The following PARD3 variants were observed in gnomAD, a reference collection of about 807,000 sequenced individuals.
PARD3 encodes par-3 family cell polarity regulator.
PARD3 carries 75 observed loss-of-function variants against 155.4 expected under a neutral mutation model. That is an observed-to-expected ratio of 0.48 (90% CI 0.40 to 0.58). The LOEUF is 0.58. Ranked by LOEUF, PARD3 falls within the 20% of genes least tolerant of loss-of-function variation. The probability of loss-of-function intolerance (pLI) is 0.00; values close to 1 mark genes in which losing one functional copy is unlikely to be tolerated. For synonymous variants in PARD3, 576 were observed against 610.5 expected, an observed-to-expected ratio of 0.94 and a Z score of 0.83; for missense variants, 1,642 against 1,721.7, an observed-to-expected ratio of 0.95 and a Z score of 0.82.
intron 5 of PARD3, among the ~76,000 whole-genome samples, chr10:34,404,694 G>C (rs370629298): frequency 6.6e-6 from 1 of 151,938 alleles, no homozygotes; most frequent in East Asian, 1.9e-4. Context: ...ACCTGGGCGT[G>C]AATAGCAATT....
chr10:34,156,326 G>A (rs1949003367), intron 22 of PARD3, among the ~76,000 whole-genome samples: 1 of 151,986 alleles, frequency 6.6e-6, no homozygotes, highest in African/African-American at 2.4e-5. Flanking sequence ...CAGACTCCAG[G>A]GCTCCAGTGA....
At chr10:34,207,229 CT>C (rs1478478561) in intron 22 of PARD3, among the ~76,000 whole-genome samples, 1 of 152,180 alleles carries the variant, frequency 6.6e-6, no homozygotes, top group Non-Finnish European at 1.5e-5. Context: ...ATTCAGTATT[CT>C]GATTAGCTCC....
intron 5 of PARD3, among the ~76,000 whole-genome samples, chr10:34,434,564 G>A (rs2076098162): frequency 6.6e-6 from 1 of 152,186 alleles, no homozygotes; most frequent in Non-Finnish European, 1.5e-5. Context: ...GCCCCAGAGT[G>A]TGTCAAGCAG....
intron 2 of PARD3, among the ~76,000 whole-genome samples, chr10:34,592,731 C>T (rs1477967161): frequency 6.6e-6 from 1 of 152,166 alleles, no homozygotes; most frequent in Non-Finnish European, 1.5e-5. Context: ...GTGGAGATCA[C>T]ACCACTGCAT....
At chr10:34,337,247 G>C in intron 17 of PARD3, 28 bp downstream of exon 17, 1 of 1,429,180 alleles carries the variant, frequency 7.0e-7, no homozygotes, top group Middle Eastern at 1.8e-4. Flanking sequence ...AACTTATTTA[G>C]ATAAAGATTC....
At chr10:34,631,753 A>G (rs1413897650) in intron 2 of PARD3, among the ~76,000 whole-genome samples, 3 of 152,124 alleles carry the variant, frequency 2.0e-5, no homozygotes, top group Non-Finnish European at 2.9e-5. Flanking sequence ...ACATGCCACT[A>G]TATCTGGTTA....
At chr10:34,769,128 C>T (rs1454986337) in intron 1 of PARD3, among the ~76,000 whole-genome samples, 1 of 152,214 alleles carries the variant, frequency 6.6e-6, no homozygotes, top group Non-Finnish European at 1.5e-5. Context: ...AACAAGGTGG[C>T]CCCTTCTGCC....
chr10:34,426,968 T>C (rs1431850927), intron 5 of PARD3, among the ~76,000 whole-genome samples: 2 of 152,244 alleles, frequency 1.3e-5, no homozygotes, highest in East Asian at 3.8e-4. Flanking sequence ...TTCATGGACA[T>C]TTATCACTTC....
chr10:34,702,677 C>G (rs1247030278), intron 1 of PARD3, among the ~76,000 whole-genome samples: 3 of 152,218 alleles, frequency 2.0e-5, no homozygotes, highest in African/African-American at 4.8e-5. Flanking sequence ...CTTATCCCCC[C>G]AAGGCTAGAG....
At chr10:34,573,733 AAAAACACACACAC>A (rs1564367843) in intron 2 of PARD3, among the ~76,000 whole-genome samples, 3,971 of 118,214 alleles carry the variant, frequency 0.034, 66 homozygotes, top group African/African-American at 0.055. Flanking sequence ...ACAAACAAAC[AAAAACACACACAC>A]ACACACACAC....
chr10:34,637,195 T>C (rs1236437711), intron 2 of PARD3, among the ~76,000 whole-genome samples: 1 of 152,260 alleles, frequency 6.6e-6, no homozygotes, highest in Non-Finnish European at 1.5e-5. Context: ...AGCCCAGTTT[T>C]GTGCAAGATG....
chr10:34,493,771 A>G (rs987037920), intron 3 of PARD3, among the ~76,000 whole-genome samples: 1 of 152,064 alleles, frequency 6.6e-6, no homozygotes, highest in South Asian at 2.1e-4. Flanking sequence ...ATTATAGTAC[A>G]TAAACTTCCA....
intron 2 of PARD3, among the ~76,000 whole-genome samples, chr10:34,529,895 C>T (rs1000145898): frequency 7.2e-5 from 11 of 151,842 alleles, no homozygotes; most frequent in African/African-American, 2.7e-4. Context: ...CCACCAAGCC[C>T]GGCTAATTTT....
At chr10:34,555,564 A>C (rs2084915691) in intron 2 of PARD3, among the ~76,000 whole-genome samples, 1 of 152,248 alleles carries the variant, frequency 6.6e-6, no homozygotes, top group African/African-American at 2.4e-5. Flanking sequence ...TTTGCTTTAA[A>C]TATTAGGAAA....
chr10:34,152,922 C>T (rs74131628), intron 22 of PARD3, among the ~76,000 whole-genome samples: 5,851 of 152,182 alleles, frequency 0.038, 380 homozygotes, highest in African/African-American at 0.13. Context: ...CCAACCTCTT[C>T]GCTTTACTGA....
intron 2 of PARD3, among the ~76,000 whole-genome samples, chr10:34,694,554 T>C (rs1403935294): frequency 1.4e-5 from 2 of 138,748 alleles, no homozygotes; most frequent in East Asian, 4.6e-4. Flanking sequence ...CACTGCAAGC[T>C]CCACCTCCCA....
intron 24 of PARD3, among the ~76,000 whole-genome samples, chr10:34,119,089 T>A (rs1946838008): frequency 6.6e-6 from 1 of 151,996 alleles, no homozygotes; most frequent in Admixed American, 6.6e-5. Flanking sequence ...AAGCTCAACA[T>A]CCCTGAGACC....
At chr10:34,171,175 A>C (rs1265336755) in intron 22 of PARD3, among the ~76,000 whole-genome samples, 1 of 152,240 alleles carries the variant, frequency 6.6e-6, no homozygotes, top group Non-Finnish European at 1.5e-5. Context: ...CATTGAATGT[A>C]TAATTTGACA....
At chr10:34,695,676 C>A (rs2094156418) in intron 2 of PARD3, among the ~76,000 whole-genome samples, 1 of 152,122 alleles carries the variant, frequency 6.6e-6, no homozygotes, top group Non-Finnish European at 1.5e-5. Context: ...GCCAAACTCA[C>A]AGACCACAGT....
Sources: gnomAD v4.1 joint callset for allele counts (sites outside exome capture counted in the v4.1 genomes callset) on GRCh38, gnomAD v4.1.1 for gene constraint, MANE v1.5 for transcripts, NCBI Gene and HGNC (gene_info 2026-07-23, HGNC 2026-07-21) for gene names.